TTN: variants seen among roughly 807,000 people sequenced by gnomAD.
TTN encodes the protein connectin.
A neutral mutation model predicts 3,223.0 loss-of-function variants in TTN; 1,525 were observed. That is an observed-to-expected ratio of 0.47 (90% confidence interval 0.45 to 0.49). The LOEUF (loss-of-function observed/expected upper bound fraction) is 0.49, where lower values mean the gene tolerates loss of function less well. TTN is among the 20% of genes least tolerant of loss of function. TTN has a pLI of 0.00. For missense variants in TTN, 40,786 were observed against 43,424.0 expected (o/e 0.94, Z 5.40); for synonymous variants, 14,094 against 15,161.0 (o/e 0.93, Z 5.17).
rs2049626322 is a variant in TTN, at chr2:178,588,845, CTTGGTT to C, written c.62874_62879del (p.Thr20959_Lys20960del). 1 of 1,613,214 alleles carries C rather than the reference CTTGGTT, an allele frequency of 6.2e-7. No homozygotes were observed. Among genetic ancestry groups the C allele is most frequent in the Admixed American group, 1.7e-5 (1 of 59,934 alleles). On this transcript the variant is annotated inframe_deletion, in exon 304 of 363. Coordinates refer to ENST00000589042, the MANE Select transcript of TTN (RefSeq NM_001267550.2). ...GATCAGGGCGACCAGGTTTATCATA[CTTGGTT>C]TTGGCTATGACTGGTTTACTTTCTG...
At position 178,750,208 on chromosome 2, in the gene TTN, G is replaced by A; in HGVS notation, c.11311+2916C>T. On this transcript the variant is annotated intron_variant, in intron 47 of 362. Coordinates refer to ENST00000589042, the MANE Select transcript of TTN (RefSeq NM_001267550.2). ...TAGATGGATGGGCGCCTTTTGCTTGGTCAAACACCAATGCTAACTCTTCTT... is the reference window on the plus strand; with the variant it reads ...TAGATGGATGGGCGCCTTTTGCTTGATCAAACACCAATGCTAACTCTTCTT... The A allele has an allele frequency of 3.1e-6, 5 of 1,613,100 alleles. No individual in the cohort carries two copies. The South Asian group carries it at 4.4e-5, about 14-fold the overall frequency.
chr2:178,724,614 T>C, intron 71 of TTN, 76 bp from the exon 72 acceptor site: 1 of 1,421,506 alleles, frequency 7.0e-7, no homozygotes, highest in Non-Finnish European at 9.2e-7. Flanking sequence ...TCACTAAGAT[T>C]GTTTCTCCCA....
intron 304 of TTN, 142 bp downstream of exon 304, chr2:178,588,396 G>C (rs1199375418): frequency 8.4e-7 from 1 of 1,196,602 alleles, no homozygotes; most frequent in Non-Finnish European, 1.1e-6. Context: ...AGGTATTTTG[G>C]TAAAAGGTCT....
rs780358002 is a variant in TTN at position 178,557,716 on chromosome 2, T to C, written c.87638A>G (p.Lys29213Arg). The C allele has an allele frequency of 6.2e-7, 1 of 1,613,966 alleles. No individual in the cohort carries two copies. The highest frequency in any genetic ancestry group is 1.1e-5 in the South Asian group (1 of 91,070). ...ACTGATGCCAAAGCGGTTTTCTGCC[T>C]TGATGCGGAATTGGTATTCTTCTCC... Reference protein sequence around the residue: ...TTGEEYQFRIKAENRFGISDH... With the variant: ...TTGEEYQFRIRAENRFGISDH... The change falls in exon 328 of 363, where the codon AAG becomes AGG. Residue 29213 changes from lysine to arginine, a missense_variant. Coordinates refer to ENST00000589042, the MANE Select transcript of TTN (RefSeq NM_001267550.2).
At position 178,529,060 on chromosome 2, in the gene TTN, T is replaced by C. The variant is rs917562823; in HGVS notation, c.106691A>G (p.Lys35564Arg). The change falls in exon 360 of 363, where the codon AAA (lysine) becomes AGA (arginine). Residue 35564 changes from lysine (K) to arginine (R), a missense_variant. By Grantham distance (26) the Lys-to-Arg change is conservative (BLOSUM62 2). Transcript: ENST00000589042. ...AATCAGAACCTTTGAAGCTTCCTCT[T>C]TGAGGGCTAACTTTTCTTGAGATTT... ...EAKSQEKLAL[K>R]EEASKVLISE... The C allele has an allele frequency of 2.5e-6, 4 of 1,613,886 alleles. No homozygotes were observed. The highest frequency in any genetic ancestry group is 1.3e-5 in the African/African-American group (1 of 75,032).
intron 47 of TTN, chr2:178,751,289 C>G: frequency 6.2e-7 from 1 of 1,611,264 alleles, no homozygotes; most frequent in Non-Finnish European, 8.5e-7. Flanking sequence ...CTCCCTTAAA[C>G]GTTGCAACTT....
chr2:178,718,219 G>T lies in TTN; in HGVS notation c.24787C>A (p.Pro8263Thr). 6.3e-7 allele frequency: 1 copy of T among 1,597,606 alleles called. No individual in the cohort carries two copies. ...ICEALVSVLEPPYFIEPLEHV... is the reference protein window; with the variant it reads ...ICEALVSVLETPYFIEPLEHV... ...TCCAGAGGTTCAATAAAGTACGGTG[G>T]TTCTATGGTACAAAGGATGGTAGTC... The change falls in exon 86 of 363, where the codon CCA becomes ACA. Residue 8263 changes from proline (P) to threonine (T), a missense_variant and splice_region_variant. Physicochemically the swap from Pro to Thr is conservative, Grantham distance 38. Coordinates refer to ENST00000589042, the MANE Select transcript of TTN (RefSeq NM_001267550.2).
rs750270873 is a variant in TTN at position 178,629,358 on chromosome 2, G to A, written c.44367C>T (p.Tyr14789=). 2.1e-5 allele frequency: 34 copies of A among 1,612,796 alleles called. No homozygotes were observed. Among genetic ancestry groups the A allele is most frequent in the Admixed American group, 5.0e-5 (3 of 59,956 alleles). ...ETATFDCELS[Y]EDIPVEWYLK... is the part of the protein sequence containing the mutation. ...GATACCATTCCACTGGGATATCTTCGTAGGAGAGCTCGCAGTCGAAGGTGG... is the reference window on the plus strand; with the variant it reads ...GATACCATTCCACTGGGATATCTTCATAGGAGAGCTCGCAGTCGAAGGTGG... The change falls in exon 240 of 363, where the codon TAC becomes TAT. Residue 14789 remains tyrosine, a synonymous_variant. Coordinates refer to ENST00000589042, the MANE Select transcript of TTN (RefSeq NM_001267550.2).
intron 29 of TTN, 93 bp from the exon 30 acceptor site, chr2:178,774,566 C>T: frequency 1.6e-6 from 2 of 1,266,868 alleles, no homozygotes; most frequent in Non-Finnish European, 2.2e-6. Context: ...TCTTTTATCT[C>T]CCCCATACTA....
intron 43 of TTN, among the ~76,000 whole-genome samples, chr2:178,759,936 G>A (rs1184541064): frequency 6.6e-6 from 1 of 152,158 alleles, no homozygotes; most frequent in Non-Finnish European, 1.5e-5. Flanking sequence ...CAGTAAAGTA[G>A]CAGGTTATTG....
Position 178,654,090 on chromosome 2 carries a change from C to G in TTN, c.38386G>C (p.Glu12796Gln), listed in dbSNP as rs577399087. The G allele has an allele frequency of 6.0e-5, 96 of 1,592,626 alleles. No homozygotes were observed. The African/African-American group carries it at 1.2e-3, about 20-fold the overall frequency. Residue 12796 changes from glutamate to glutamine, a missense_variant, in exon 194 of 363, where the codon GAA becomes CAA. Transcript: ENST00000589042. ...KPEAPRAKVP[E>Q]AAQEVVPEKK... ...TCTGGGACAACTTCTTGAGCAGCTT[C>G]AGGCACTTGAAAGATATTAGTATTT...
At chr2:178,730,469 G>GTT (rs750245656) in intron 61 of TTN, 36 bp downstream of exon 61, 2 of 1,562,958 alleles carry the variant, frequency 1.3e-6, no homozygotes, top group South Asian at 2.4e-5. Flanking sequence ...AAAATATTTT[G>GTT]TAAGTTCTTG....
chr2:178,747,715 G>T (rs1424366243), intron 47 of TTN: 1 of 1,611,858 alleles, frequency 6.2e-7, no homozygotes, highest in Non-Finnish European at 8.5e-7. Flanking sequence ...CTGCCTCAGT[G>T]GTATGTGCCT....
Position 178,679,974 on chromosome 2 carries a change from A to G in TTN, c.33500T>C (p.Val11167Ala), listed in dbSNP as rs551754978. Residue 11167 changes from valine to alanine, a missense_variant, in exon 140 of 363, where the codon GTA becomes GCA. Physicochemically the swap from Val to Ala is moderately conservative, Grantham distance 64. Transcript: ENST00000589042. The part of the protein sequence containing the change: ...EVVTHVEEYL[V>A]EEEEEYIHEE... The stretch of plus-strand genomic sequence containing the variant: ...ATGAATGTACTCTTCTTCTTCTTCT[A>G]CAAGATATTCTTCTACATGGGTTAC... 6.2e-7 allele frequency: 1 copy of G among 1,607,682 alleles called. No homozygotes were observed. Among genetic ancestry groups the G allele is most frequent in the Non-Finnish European group, 8.5e-7 (1 of 1,174,372 alleles).
rs561977468 is a variant in TTN, at chr2:178,569,522, C to T, written c.76610G>A (p.Arg25537His). The T allele has an allele frequency of 4.7e-5, 75 of 1,612,646 alleles. No homozygotes were observed. In the East Asian group the frequency reaches 6.3e-4, roughly 13 times the overall value. Residue 25537 changes from arginine to histidine, a missense_variant, in exon 326 of 363, where the codon CGT (arginine) becomes CAT (histidine). Arg to His is a conservative substitution (Grantham distance 29, BLOSUM62 0). Coordinates refer to ENST00000589042, the MANE Select transcript of TTN (RefSeq NM_001267550.2). The part of the protein sequence containing the change: ...SLRLFVPIKG[R>H]PTPEVKWGKV... ...TCCCCATTTAACTTCTGGTGTAGGACGACCTTTTATAGGAACAAATAACCT... is the reference window on the plus strand; with the variant it reads ...TCCCCATTTAACTTCTGGTGTAGGATGACCTTTTATAGGAACAAATAACCT...
In TTN at chr2:178,530,656, T is replaced by C. The variant is rs1558988630; in HGVS notation, c.105959A>G (p.Tyr35320Cys). The change falls in exon 358 of 363, where the codon TAT becomes TGT. Residue 35320 changes from tyrosine to cysteine, a missense_variant. By Grantham distance (194) the Tyr-to-Cys change is radical. Transcript: ENST00000589042. Reference sequence around the variant, plus strand: ...TTCCTTCAGTTTCTTGCCATCTTTATACCAGGTGACCTCTTTTGCCCTTAA... The same window carrying C: ...TTCCTTCAGTTTCTTGCCATCTTTACACCAGGTGACCTCTTTTGCCCTTAA... ...SVLRAKEVTW[Y>C]KDGKKLKENG... 2 of 1,614,038 alleles carry C rather than the reference T, an allele frequency of 1.2e-6. No homozygotes were observed. Among genetic ancestry groups the C allele is most frequent in the Middle Eastern group, 1.6e-4 (1 of 6,062 alleles).
rs1559986831 is a variant in TTN at position 178,635,944 on chromosome 2, C to A, written c.41608+19G>T. 6.4e-7 allele frequency: 1 copy of A among 1,560,108 alleles called. No homozygotes were observed. Among genetic ancestry groups the A allele is most frequent in the African/African-American group, 1.4e-5 (1 of 72,984 alleles). On this transcript the variant is annotated intron_variant, in intron 226 of 362. Coordinates refer to ENST00000589042, the MANE Select transcript of TTN (RefSeq NM_001267550.2). ...AGTGTAACAATAAGCAGAACGAAATCTCCCAGGAAAGTACTAACCTACTAC... is the reference window on the plus strand; with the variant it reads ...AGTGTAACAATAAGCAGAACGAAATATCCCAGGAAAGTACTAACCTACTAC...
chr2:178,600,545 T>G (rs943698423), intron 288 of TTN: 8 of 338,264 alleles, frequency 2.4e-5, no homozygotes, highest in African/African-American at 1.2e-4. Context: ...GGTTACTTTC[T>G]GTCCCTTTTG....
chr2:178,537,451 A>C lies in TTN; in HGVS notation c.99756T>G (p.Thr33252=). The part of the protein sequence containing the change: ...NITIENTEHY[T]HLVMKNVQRK... ...GTTGGACATTCTTCATGACAAGATG[A>C]GTATAGTGCTCAGTGTTTTCAATAG... The change falls in exon 355 of 363, where the codon ACT becomes ACG. Residue 33252 remains threonine (T), a synonymous_variant. Coordinates refer to ENST00000589042, the MANE Select transcript of TTN (RefSeq NM_001267550.2). 6.2e-7 allele frequency: 1 copy of C among 1,613,162 alleles called. No individual in the cohort carries two copies. The highest frequency in any genetic ancestry group is 8.5e-7 in the Non-Finnish European group (1 of 1,179,518).
Sources: allele counts gnomAD v4.1 joint callset (sites outside exome capture counted in the v4.1 genomes callset), GRCh38; gene constraint gnomAD v4.1.1; transcripts MANE v1.5; gene names NCBI Gene and HGNC (gene_info 2026-07-23, HGNC 2026-07-21).